MACROD1: variants seen among roughly 807,000 people sequenced by gnomAD.
MACROD1 encodes mono-ADP ribosylhydrolase 1.
A neutral mutation model predicts 41.4 loss-of-function variants in MACROD1; 31 were observed. The observed-to-expected ratio is 0.75, with a 90% CI of 0.56 to 1.01. The LOEUF (loss-of-function observed/expected upper bound fraction) is 1.01. MACROD1 is among the 50% of genes least tolerant of loss of function. MACROD1 has a pLI of 0.00. For synonymous variants in MACROD1, 252 were observed against 203.4 expected (o/e 1.24, Z -2.03); for missense variants, 473 against 460.0 (o/e 1.03, Z -0.26).
At chr11:64,066,919 A>T (rs1175288904) in intron 3 of MACROD1, among the ~76,000 whole-genome samples, 1 of 152,194 alleles carries the variant, frequency 6.6e-6, no homozygotes, top group Non-Finnish European at 1.5e-5. Flanking sequence ...TCCGGAGCCC[A>T]CGCCCCAGCC....
chr11:64,020,725 C>T (rs1590806466), intron 3 of MACROD1, among the ~76,000 whole-genome samples: 1 of 151,924 alleles, frequency 6.6e-6, no homozygotes, highest in East Asian at 1.9e-4. Context: ...TCCCAGGTGC[C>T]TATCTTTTTT....
chr11:64,056,341 C>T (rs1306335054), intron 3 of MACROD1, among the ~76,000 whole-genome samples: 1 of 152,160 alleles, frequency 6.6e-6, no homozygotes, highest in Non-Finnish European at 1.5e-5. Context: ...TACCCCGCCA[C>T]TCCCCGCCCA....
chr11:64,131,460 G>A (rs1477727013), intron 3 of MACROD1, among the ~76,000 whole-genome samples: 1 of 152,202 alleles, frequency 6.6e-6, no homozygotes, highest in Non-Finnish European at 1.5e-5. Context: ...CCAAGTAGCT[G>A]CGTGTACAGG....
chr11:64,139,554 T>G (rs1308715932), intron 3 of MACROD1, among the ~76,000 whole-genome samples: 2 of 152,186 alleles, frequency 1.3e-5, no homozygotes, highest in Admixed American at 6.5e-5. Flanking sequence ...GTGAGATCCC[T>G]CACTGCTAAT....
At chr11:64,156,962 CA>C (rs1279263563) in intron 1 of MACROD1, among the ~76,000 whole-genome samples, 1 of 152,236 alleles carries the variant, frequency 6.6e-6, no homozygotes, top group African/African-American at 2.4e-5. Flanking sequence ...AAGAAAAGGC[CA>C]ACTGCGCCCA....
chr11:64,105,645 G>A (rs1237677078), intron 3 of MACROD1, among the ~76,000 whole-genome samples: 1 of 152,204 alleles, frequency 6.6e-6, no homozygotes, highest in African/African-American at 2.4e-5. Flanking sequence ...CCACAGGCGT[G>A]AGTGACCCCA....
rs747233402 is a variant in MACROD1 at position 63,999,657 on chromosome 11, G to A, written c.771C>T (p.His257=). Residue 257 remains histidine, a synonymous_variant, in exon 6 of 11, where the codon CAC becomes CAT. Coordinates refer to ENST00000255681, the MANE Select transcript of MACROD1 (RefSeq NM_014067.4). ...YLSSLDLLLE[H]RLRSVAFPCI... is the part of the protein sequence containing the mutation. ...CGTCCCTCACCACCGAGCGGAGCCG[G>A]TGCTCCAGCAGCAGGTCCAGACTGC... is the stretch of plus-strand genomic sequence containing the variant. 6 of 1,609,250 alleles carry A rather than the reference G, an allele frequency of 3.7e-6. No individual in the cohort carries two copies. The African/African-American group carries it at 8.0e-5, about 21-fold the overall frequency.
intron 3 of MACROD1, among the ~76,000 whole-genome samples, chr11:64,091,578 C>T (rs1944491657): frequency 1.3e-5 from 2 of 152,170 alleles, no homozygotes; most frequent in South Asian, 4.1e-4. Context: ...GGCGTTTGCA[C>T]AGCACCTCCT....
chr11:64,097,157 C>A (rs1306279859), intron 3 of MACROD1, among the ~76,000 whole-genome samples: 1 of 152,208 alleles, frequency 6.6e-6, no homozygotes. Flanking sequence ...AGCTAGGGAA[C>A]CCTCCCCCTC....
intron 3 of MACROD1, among the ~76,000 whole-genome samples, chr11:64,022,867 ATTTTTTTTT>A (rs922794608): frequency 9.9e-5 from 9 of 90,766 alleles, no homozygotes; most frequent in African/African-American, 3.6e-4. Flanking sequence ...TTCCACATGG[ATTTTTTTTT>A]TTTTTTTTTT....
chr11:64,138,650 G>A (rs889479711), intron 3 of MACROD1: 1 of 633,108 alleles, frequency 1.6e-6, no homozygotes, highest in Non-Finnish European at 2.0e-6. Flanking sequence ...CTCGGCTCTG[G>A]TTTTTACCGC....
chr11:64,102,829 G>A (rs748915057), intron 3 of MACROD1, among the ~76,000 whole-genome samples: 3 of 152,106 alleles, frequency 2.0e-5, no homozygotes, highest in Non-Finnish European at 2.9e-5. Context: ...CATCACTTTG[G>A]GAGGCCGAGG....
At chr11:64,060,889 C>T (rs1266061613) in intron 3 of MACROD1, among the ~76,000 whole-genome samples, 2 of 152,080 alleles carry the variant, frequency 1.3e-5, no homozygotes, top group Non-Finnish European at 2.9e-5. Context: ...GTGTCAGCCC[C>T]GCCCCCGAGG....
chr11:64,079,273 G>A (rs1253488605), intron 3 of MACROD1, among the ~76,000 whole-genome samples: 1 of 152,138 alleles, frequency 6.6e-6, no homozygotes. Context: ...GCTCCCACCT[G>A]TGCTGTGTGC....
rs1944462715 is a variant in MACROD1, at chr11:64,090,070, A to G, written c.517+61169T>C. Among the ~76,000 whole-genome samples, 1 of 152,194 alleles carries G rather than the reference A, an allele frequency of 6.6e-6. No individual in the cohort carries two copies. Among genetic ancestry groups the G allele is most frequent in the African/African-American group, 2.4e-5 (1 of 41,442 alleles). On this transcript the variant is annotated intron_variant, in intron 3 of 10. Coordinates refer to ENST00000255681, the MANE Select transcript of MACROD1 (RefSeq NM_014067.4). The surrounding 1 kb of genome is among the most constrained non-coding windows in gnomAD (Gnocchi z 4.7). Reference sequence around the variant, plus strand: ...TGTGACTGGACTCAACAGCTGTGTCATCCTGAGCCCAGAACCTTCTAGAAT... The same window carrying G: ...TGTGACTGGACTCAACAGCTGTGTCGTCCTGAGCCCAGAACCTTCTAGAAT...
At chr11:64,033,700 G>GC (rs1339334034) in intron 3 of MACROD1, among the ~76,000 whole-genome samples, 1 of 151,938 alleles carries the variant, frequency 6.6e-6, no homozygotes, top group Non-Finnish European at 1.5e-5. Context: ...AATTAGCCAG[G>GC]CGTAGTGGTG....
At position 64,078,006 on chromosome 11, in the gene MACROD1, C is replaced by T. The variant is rs116803328; in HGVS notation, c.518-62725G>A. On this transcript the variant is annotated intron_variant, in intron 3 of 10. Transcript: ENST00000255681. ...CCTCCTCCTCAGCGGGGGTCCCAGA[C>T]GCTCTCCCCGTGCCCAAGGCCCAGG... 9.0e-3 allele frequency among the ~76,000 whole-genome samples: 1,375 copies of T among 152,324 alleles called. 24 individuals are homozygous for T. Among genetic ancestry groups the T allele is most frequent in the African/African-American group, 0.031 (1,275 of 41,586 alleles).
At chr11:64,063,705 G>A (rs1029012525) in intron 3 of MACROD1, among the ~76,000 whole-genome samples, 2 of 152,202 alleles carry the variant, frequency 1.3e-5, no homozygotes, top group African/African-American at 4.8e-5. Context: ...ACACACCTCA[G>A]CGGGTGCTGA....
At chr11:64,134,493 G>C (rs767831407) in intron 3 of MACROD1, among the ~76,000 whole-genome samples, 1 of 152,216 alleles carries the variant, frequency 6.6e-6, no homozygotes, top group Non-Finnish European at 1.5e-5. Flanking sequence ...AGGATACAAA[G>C]GCAGTGGCGG....
Sources: gnomAD v4.1 joint callset for allele counts (sites outside exome capture counted in the v4.1 genomes callset) on GRCh38, gnomAD v4.1.1 for gene constraint, Gnocchi (gnomAD v3.1) non-coding constraint, MANE v1.5 for transcripts, NCBI Gene and HGNC (gene_info 2026-07-23, HGNC 2026-07-21) for gene names.